The following AKAP6 variants were observed in gnomAD, a reference collection of about 807,000 sequenced individuals.
The protein encoded by AKAP6 is A-kinase anchoring protein 6.
A neutral mutation model predicts 188.5 loss-of-function variants in AKAP6; 58 were observed. That is an observed-to-expected ratio of 0.31 (90% CI 0.25 to 0.38). AKAP6 has a LOEUF of 0.38. Among genes scored for constraint, AKAP6 ranks in the 10% least tolerant of loss-of-function variants. The probability of loss-of-function intolerance (pLI) is 1.00; values close to 1 mark genes in which losing one functional copy is unlikely to be tolerated. For synonymous variants in AKAP6, 989 were observed against 998.6 expected (o/e 0.99, Z 0.18); for missense variants, 2,710 against 2,740.0 (o/e 0.99, Z 0.24).
intron 7 of AKAP6, among the ~76,000 whole-genome samples, chr14:32,637,063 A>G (rs905553914): frequency 1.3e-5 from 2 of 152,100 alleles, no homozygotes; most frequent in African/African-American, 2.4e-5. Flanking sequence ...GGCCTAGCCT[A>G]TCATCTCTAT....
intron 4 of AKAP6, among the ~76,000 whole-genome samples, chr14:32,548,599 G>A (rs1354832996): frequency 3.9e-5 from 6 of 151,914 alleles, no homozygotes; most frequent in African/African-American, 1.2e-4. Context: ...TAAAGAGATG[G>A]TAGGTAGCTA....
chr14:32,566,525 A>C (rs1884194709), intron 4 of AKAP6, among the ~76,000 whole-genome samples: 1 of 152,150 alleles, frequency 6.6e-6, no homozygotes, highest in Admixed American at 6.5e-5. Flanking sequence ...TAAGAGAAGA[A>C]TCTGGGTTAT....
chr14:32,357,212 C>A (rs991365305), intron 1 of AKAP6, among the ~76,000 whole-genome samples: 6 of 152,082 alleles, frequency 3.9e-5, no homozygotes, highest in African/African-American at 1.4e-4. Flanking sequence ...AGGATAAGAG[C>A]AAATTAATGA....
intron 2 of AKAP6, among the ~76,000 whole-genome samples, chr14:32,477,679 A>G (rs1767857727): frequency 6.6e-6 from 1 of 152,220 alleles, no homozygotes; most frequent in African/African-American, 2.4e-5. Context: ...TCCAAAAATC[A>G]TATTTAGCCA....
rs541662674 is a variant in AKAP6 at position 32,521,811 on chromosome 14, T to A, written c.325-13743T>A. On this transcript the variant is annotated intron_variant, in intron 2 of 13. Coordinates refer to ENST00000280979, the MANE Select transcript of AKAP6 (RefSeq NM_004274.5). ...CCATCCCCATCAAGCTACCAATGAC[T>A]TTCTTCACAGAATTGGAAAAAAACT... 5.3e-5 allele frequency among the ~76,000 whole-genome samples: 8 copies of A among 152,298 alleles called. No individual in the cohort carries two copies. In the East Asian group the frequency reaches 1.3e-3, roughly 26 times the overall value.
rs1054562019 is a variant in AKAP6 at position 32,568,714 on chromosome 14, G to C, written c.2347-8406G>C. Among the ~76,000 whole-genome samples the C allele has an allele frequency of 2.0e-5, 3 of 152,138 alleles. No homozygotes were observed. The highest frequency in any genetic ancestry group is 7.2e-5 in the African/African-American group (3 of 41,440). The stretch of plus-strand genomic sequence containing the variant: ...CCTGACAATGTTGGGAGCTTGTAAA[G>C]TGTTTGATCTTGTCTGTGCTTCAGT... On this transcript the variant is annotated intron_variant, in intron 4 of 13. Transcript: ENST00000280979. This position sits in a 1 kb window ranked among gnomAD's most constrained non-coding sequence, Gnocchi z 6.2.
At chr14:32,646,771 T>A (rs1888002824) in intron 7 of AKAP6, among the ~76,000 whole-genome samples, 1 of 152,122 alleles carries the variant, frequency 6.6e-6, no homozygotes, top group Admixed American at 6.6e-5. Flanking sequence ...AGTTCCATCT[T>A]CATTGAAATC....
At chr14:32,536,213 C>A (rs896325070) in intron 3 of AKAP6, among the ~76,000 whole-genome samples, 1 of 152,198 alleles carries the variant, frequency 6.6e-6, no homozygotes, top group Non-Finnish European at 1.5e-5. Context: ...TCAAGCCAAA[C>A]TGTGATAAGT....
At chr14:32,481,253 C>T (rs1879324452) in intron 2 of AKAP6, among the ~76,000 whole-genome samples, 1 of 152,174 alleles carries the variant, frequency 6.6e-6, no homozygotes, top group African/African-American at 2.4e-5. Flanking sequence ...AAGGACACTT[C>T]TCCCTACCCC....
rs936973439 is a variant in AKAP6, at chr14:32,835,585, T to C, written c.*5780T>C. 4 of 152,202 alleles carry C rather than the reference T, an allele frequency of 2.6e-5. No homozygotes were observed. Among genetic ancestry groups the C allele is most frequent in the African/African-American group, 9.6e-5 (4 of 41,454 alleles). 9.4% of individuals were successfully genotyped at this position (152,202 alleles called of 1,614,324 possible). A position where few individuals can be genotyped will look rare whatever the true frequency, so the allele number is the denominator to read the frequency against. ...TCAGGCCATTTCACAGTCAGTTTTT[T>C]TCAAATTCATTTTTCAACTCAAAGG... On this transcript the variant is annotated 3_prime_UTR_variant, in exon 14 of 14. Transcript: ENST00000280979.
In AKAP6 at chr14:32,792,216, C is replaced by T. The variant is rs148032983; in HGVS notation, c.3588+18323C>T. The stretch of plus-strand genomic sequence containing the variant: ...AATCTGTAAATTACTTTGGACAGTA[C>T]GGCCATTTTCATGATATTGATTCTT... On this transcript the variant is annotated intron_variant, in intron 12 of 13. Coordinates refer to ENST00000280979, the MANE Select transcript of AKAP6 (RefSeq NM_004274.5). Among the ~76,000 whole-genome samples, 18 of 152,120 alleles carry T rather than the reference C, an allele frequency of 1.2e-4. No individual in the cohort carries two copies. The East Asian group carries it at 1.7e-3, about 15-fold the overall frequency.
chr14:32,443,012 C>A (rs955586389), intron 2 of AKAP6, among the ~76,000 whole-genome samples: 1 of 144,192 alleles, frequency 6.9e-6, no homozygotes, highest in Non-Finnish European at 1.5e-5. Flanking sequence ...TAAATGTTAA[C>A]AAATCAATTG....
intron 11 of AKAP6, among the ~76,000 whole-genome samples, chr14:32,762,883 G>A (rs1203754062): frequency 1.3e-5 from 2 of 152,046 alleles, no homozygotes; most frequent in Non-Finnish European, 2.9e-5. Context: ...GTTCAATAAG[G>A]CCATGGAGGT....
At chr14:32,578,153 G>A (rs1884811395) in intron 5 of AKAP6, among the ~76,000 whole-genome samples, 1 of 152,098 alleles carries the variant, frequency 6.6e-6, no homozygotes, top group African/African-American at 2.4e-5. Flanking sequence ...CTACCTGTAT[G>A]CGAGTTCACA....
At chr14:32,535,422 C>T in intron 2 of AKAP6, 132 bp from the exon 3 acceptor site, 1 of 1,068,500 alleles carries the variant, frequency 9.4e-7, no homozygotes, top group South Asian at 1.6e-5. Flanking sequence ...AAAACAAAGG[C>T]CCCAGGTATC....
intron 12 of AKAP6, among the ~76,000 whole-genome samples, chr14:32,802,909 C>A (rs536764545): frequency 1.3e-5 from 2 of 152,154 alleles, no homozygotes; most frequent in South Asian, 2.1e-4. Context: ...ACCAGCCTGG[C>A]CAATATGGTG....
In AKAP6 at chr14:32,546,605, C is replaced by T; in HGVS notation, c.1952C>T (p.Thr651Ile). ...EVLALKLENL[T>I]KLLPQKPRGE... is the part of the protein sequence containing the mutation. ...TTGGCTTTGAAGTTGGAAAACCTAA[C>T]AAAGCTTCTGCCTCAGAAACCCAGA... The change falls in exon 4 of 14, where the codon ACA (threonine) becomes ATA (isoleucine). Residue 651 changes from threonine (T) to isoleucine (I), a missense_variant. Transcript: ENST00000280979. 6.2e-7 allele frequency: 1 copy of T among 1,614,158 alleles called. No individual in the cohort carries two copies. The highest frequency in any genetic ancestry group is 1.1e-5 in the South Asian group (1 of 91,084).
At chr14:32,582,249 T>G (rs1396825780) in intron 5 of AKAP6, among the ~76,000 whole-genome samples, 2 of 152,182 alleles carry the variant, frequency 1.3e-5, no homozygotes, top group Non-Finnish European at 2.9e-5. Context: ...TTCCTTCACT[T>G]ATGAAGCTTA....
At chr14:32,389,375 T>C (rs112399772) in intron 1 of AKAP6, among the ~76,000 whole-genome samples, 2,766 of 152,242 alleles carry the variant, frequency 0.018, 84 homozygotes, top group African/African-American at 0.062. Context: ...TACCATTCTA[T>C]TCATCCTGCT....
Sources: gnomAD v4.1 joint callset for allele counts (sites outside exome capture counted in the v4.1 genomes callset) on GRCh38, gnomAD v4.1.1 for gene constraint, Gnocchi (gnomAD v3.1) non-coding constraint, MANE v1.5 for transcripts, NCBI Gene and HGNC (gene_info 2026-07-23, HGNC 2026-07-21) for gene names.